The following SLC35F3 variants were observed in gnomAD, a reference collection of about 807,000 sequenced individuals.
SLC35F3 encodes the protein solute carrier family 35 member F3, also known as putative thiamine transporter SLC35F3.
In SLC35F3, 25 loss-of-function variants were observed where a neutral mutation model predicts 49.9. The observed-to-expected ratio is 0.50, with a 90% confidence interval of 0.37 to 0.70. The LOEUF is 0.70. Ranked by LOEUF, SLC35F3 falls within the 30% of genes least tolerant of loss-of-function variation. The pLI is 0.00. For synonymous variants in SLC35F3, 275 were observed against 265.4 expected (o/e 1.04, Z -0.35); for missense variants, 525 against 639.8 (o/e 0.82, Z 1.94).
At chr1:234,127,066 G>A (rs1665659080) in intron 2 of SLC35F3, among the ~76,000 whole-genome samples, 1 of 152,154 alleles carries the variant, frequency 6.6e-6, no homozygotes, top group Admixed American at 6.5e-5. Flanking sequence ...TCTAGGCTTG[G>A]CTTTCTTCTC....
intron 2 of SLC35F3, among the ~76,000 whole-genome samples, chr1:233,955,252 A>G (rs1662677521): frequency 6.6e-6 from 1 of 152,178 alleles, no homozygotes; most frequent in Non-Finnish European, 1.5e-5. Context: ...TACACTTCTG[A>G]GTTGTAGGAA....
intron 2 of SLC35F3, among the ~76,000 whole-genome samples, chr1:234,154,804 C>T (rs1198931803): frequency 1.3e-5 from 2 of 152,172 alleles, no homozygotes; most frequent in Non-Finnish European, 2.9e-5. Flanking sequence ...TTCAGGCCTA[C>T]CCAAGAGCCC....
intron 2 of SLC35F3, among the ~76,000 whole-genome samples, chr1:233,981,370 C>T (rs1663180839): frequency 6.6e-6 from 1 of 152,202 alleles, no homozygotes; most frequent in Admixed American, 6.5e-5. Flanking sequence ...CATCTCTATA[C>T]TTCTGTTATT....
At chr1:234,178,562 C>T (rs1457960327) in intron 2 of SLC35F3, among the ~76,000 whole-genome samples, 1 of 152,170 alleles carries the variant, frequency 6.6e-6, no homozygotes, top group African/African-American at 2.4e-5. Context: ...CACAGCCTGC[C>T]ACACTGTCAG....
At chr1:234,030,807 T>G (rs1664050938) in intron 2 of SLC35F3, among the ~76,000 whole-genome samples, 2 of 152,214 alleles carry the variant, frequency 1.3e-5, no homozygotes, top group South Asian at 4.1e-4. Flanking sequence ...TTTCTTGCAT[T>G]TCAAGAGGGA....
chr1:234,068,859 C>G (rs1412525223), intron 2 of SLC35F3, among the ~76,000 whole-genome samples: 1 of 58,450 alleles, frequency 1.7e-5, no homozygotes, highest in Non-Finnish European at 3.3e-5. Context: ...ATATATATGG[C>G]ATATTTATAT....
chr1:234,280,686 C>T (rs553054613), intron 3 of SLC35F3, among the ~76,000 whole-genome samples: 1 of 152,228 alleles, frequency 6.6e-6, no homozygotes, highest in Non-Finnish European at 1.5e-5. Context: ...TTTCTCAGCA[C>T]TCACCACGTG....
At chr1:234,147,693 A>G (rs1666018783) in intron 2 of SLC35F3, among the ~76,000 whole-genome samples, 1 of 152,238 alleles carries the variant, frequency 6.6e-6, no homozygotes, top group Admixed American at 6.5e-5. Context: ...GAGGGCAGCC[A>G]GGAGCCTGTG....
At chr1:234,123,277 G>T (rs749967884) in intron 2 of SLC35F3, among the ~76,000 whole-genome samples, 6 of 152,140 alleles carry the variant, frequency 3.9e-5, no homozygotes, top group Non-Finnish European at 8.8e-5. Context: ...TTTGAGAAGT[G>T]TCTGTTAATA....
At chr1:234,107,906 C>T (rs767779861) in intron 2 of SLC35F3, among the ~76,000 whole-genome samples, 15 of 151,976 alleles carry the variant, frequency 9.9e-5, no homozygotes, top group Non-Finnish European at 1.9e-4. Flanking sequence ...CCTTTGTTTT[C>T]CCTCTATGTA....
At chr1:234,068,274 A>G (rs1246496187) in intron 2 of SLC35F3, among the ~76,000 whole-genome samples, 1 of 152,222 alleles carries the variant, frequency 6.6e-6, no homozygotes, top group Non-Finnish European at 1.5e-5. Context: ...ACTTTCAGAA[A>G]TAGTGAATGC....
At chr1:234,039,878 C>T (rs1246642052) in intron 2 of SLC35F3, among the ~76,000 whole-genome samples, 2 of 152,222 alleles carry the variant, frequency 1.3e-5, no homozygotes, top group Non-Finnish European at 2.9e-5. Flanking sequence ...ACAATGCTCT[C>T]TTAGTTCCGC....
intron 2 of SLC35F3, among the ~76,000 whole-genome samples, chr1:234,042,843 G>A (rs957602295): frequency 2.0e-5 from 3 of 152,068 alleles, no homozygotes; most frequent in Non-Finnish European, 4.4e-5. Flanking sequence ...AACTGAAATG[G>A]TGTCGAAGAG....
At chr1:234,162,987 A>C (rs1386412291) in intron 2 of SLC35F3, among the ~76,000 whole-genome samples, 1 of 152,194 alleles carries the variant, frequency 6.6e-6, no homozygotes, top group Non-Finnish European at 1.5e-5. Flanking sequence ...TGTTGATGGT[A>C]AAGAAGAATC....
chr1:233,956,322 TAC>T (rs146468002), intron 2 of SLC35F3, among the ~76,000 whole-genome samples: 40 of 151,778 alleles, frequency 2.6e-4, no homozygotes, highest in African/African-American at 8.7e-4. Flanking sequence ...ACCCTCTTCA[TAC>T]ACACACACAC....
intron 2 of SLC35F3, among the ~76,000 whole-genome samples, chr1:234,115,844 T>C (rs1405034736): frequency 6.6e-6 from 1 of 152,172 alleles, no homozygotes; most frequent in Non-Finnish European, 1.5e-5. Flanking sequence ...AGTTTTGAGG[T>C]TAATTTTGCC....
At chr1:233,932,456 G>A (rs1157504975) in intron 2 of SLC35F3, among the ~76,000 whole-genome samples, 1 of 152,166 alleles carries the variant, frequency 6.6e-6, no homozygotes. Flanking sequence ...AATCTGTGGT[G>A]ATAATGATCC....
At chr1:234,196,183 C>A (rs1447785103) in intron 2 of SLC35F3, among the ~76,000 whole-genome samples, 2 of 152,186 alleles carry the variant, frequency 1.3e-5, no homozygotes, top group East Asian at 1.9e-4. Context: ...ATTGCCATGG[C>A]AACACCCAAA....
At chr1:234,212,072 T>A (rs1667053397) in intron 2 of SLC35F3, among the ~76,000 whole-genome samples, 3 of 152,222 alleles carry the variant, frequency 2.0e-5, no homozygotes, top group Non-Finnish European at 4.4e-5. Flanking sequence ...CTTTGCCTGC[T>A]GCCATCCATG....
Sources: allele counts gnomAD v4.1 joint callset (sites outside exome capture counted in the v4.1 genomes callset), GRCh38; gene constraint gnomAD v4.1.1; transcripts MANE v1.5; gene names NCBI Gene and HGNC (gene_info 2026-07-23, HGNC 2026-07-21).